The following PILRA variants were observed in gnomAD, a reference collection of about 807,000 sequenced individuals.
PILRA encodes the protein paired immunoglobulin-like type 2 receptor alpha.
In PILRA, 37 loss-of-function variants were observed where a neutral mutation model predicts 33.1. That is an observed-to-expected ratio of 1.12 (90% CI 0.86 to 1.47). The LOEUF (loss-of-function observed/expected upper bound fraction) is 1.47. PILRA is among the 40% of genes most tolerant of loss of function. The pLI is 0.00. For missense variants in PILRA, 312 were observed against 376.2 expected, an observed-to-expected ratio of 0.83 and a Z score of 1.41; for synonymous variants, 146 against 149.9, an observed-to-expected ratio of 0.97 and a Z score of 0.19.
intron 2 of PILRA, among the ~76,000 whole-genome samples, chr7:100,375,042 G>A (rs185239109): frequency 3.9e-5 from 6 of 151,984 alleles, no homozygotes; most frequent in Admixed American, 3.3e-4. Flanking sequence ...GACCTGTCTC[G>A]CCTCTTCTCT....
intron 3 of PILRA, among the ~76,000 whole-genome samples, chr7:100,393,743 C>G (rs965928867): frequency 4.6e-5 from 7 of 152,082 alleles, no homozygotes; most frequent in African/African-American, 1.7e-4. Flanking sequence ...CCAAAGGTTG[C>G]CTCATAGCCC....
chr7:100,384,541 G>A (rs1262204870), intron 2 of PILRA, among the ~76,000 whole-genome samples: 7 of 151,654 alleles, frequency 4.6e-5, no homozygotes, highest in Non-Finnish European at 1.0e-4. Context: ...GACTGCAGGG[G>A]AGCACTACCA....
chr7:100,396,449 TC>T (rs1791494123), intron 3 of PILRA, among the ~76,000 whole-genome samples: 1 of 152,192 alleles, frequency 6.6e-6, no homozygotes, highest in South Asian at 2.1e-4. Context: ...GGTCAGGAGT[TC>T]GAGACCAGCA....
upstream of PILRA, among the ~76,000 whole-genome samples, chr7:100,372,865 T>C (rs1282235013): frequency 6.6e-6 from 1 of 151,886 alleles, no homozygotes. Context: ...TGTCCCCTCC[T>C]GTGTAGGGCG....
chr7:100,383,215 CA>C (rs1471920844), intron 2 of PILRA, among the ~76,000 whole-genome samples: 1 of 152,078 alleles, frequency 6.6e-6, no homozygotes, highest in Admixed American at 6.5e-5. Flanking sequence ...CTGGGACCAG[CA>C]GCAGGCCTCT....
chr7:100,388,749 C>CAAAAAAA (rs913179599), intron 2 of PILRA, among the ~76,000 whole-genome samples: 1 of 12,860 alleles, frequency 7.8e-5, no homozygotes, highest in Admixed American at 9.6e-4. Context: ...GCCTCCGTCT[C>CAAAAAAA]AAAAAAAAAA....
Position 100,374,592 on chromosome 7 carries a change from C to T in PILRA, c.454+159C>T, listed in dbSNP as rs148891131. On this transcript the variant is annotated intron_variant, in intron 2 of 6. Coordinates refer to ENST00000198536, the MANE Select transcript of PILRA (RefSeq NM_013439.3). The stretch of plus-strand genomic sequence containing the variant: ...TTCCTCAGGCCTTTGCCACCTCTCC[C>T]CTTTTCTCTTCCCCTTGTCTCCACA... 7.0e-4 allele frequency: 548 copies of T among 780,832 alleles called. 1 individual carries two copies. Among genetic ancestry groups the T allele is most frequent in the South Asian group, 1.1e-3 (71 of 64,736 alleles). 48.4% of individuals were successfully genotyped at this position (780,832 alleles called of 1,614,324 possible).
chr7:100,379,540 C>T (rs948949297), intron 2 of PILRA, among the ~76,000 whole-genome samples: 12 of 151,450 alleles, frequency 7.9e-5, no homozygotes, highest in Admixed American at 4.6e-4. Context: ...TGGTAGCACG[C>T]GCCTGTAGTC....
intron 2 of PILRA, among the ~76,000 whole-genome samples, chr7:100,385,923 C>T (rs1452077230): frequency 1.3e-5 from 2 of 151,792 alleles, no homozygotes. Flanking sequence ...GCCACCACAC[C>T]CGGCCTATGT....
chr7:100,381,116 A>G (rs1327661397), intron 2 of PILRA, among the ~76,000 whole-genome samples: 1 of 151,834 alleles, frequency 6.6e-6, no homozygotes, highest in African/African-American at 2.4e-5. Context: ...AATACAAAAA[A>G]TTAGCCGGGT....
chr7:100,374,253 G>A lies in PILRA; in HGVS notation c.274G>A (p.Asp92Asn). Reference sequence around the variant, plus strand: ...CACAAGGCCGCCTTCCATTCACAAGGATTATGTGAACCGGCTCTTTCTGAA... The same window carrying A: ...CACAAGGCCGCCTTCCATTCACAAGAATTATGTGAACCGGCTCTTTCTGAA... ...YSTRPPSIHK[D>N]YVNRLFLNWT... The change falls in exon 2 of 7, where the codon GAT becomes AAT. Residue 92 changes from aspartate (D) to asparagine (N), a missense_variant. Transcript: ENST00000198536. 6.2e-7 allele frequency: 1 copy of A among 1,614,146 alleles called. No homozygotes were observed.
chr7:100,375,748 A>AAACAAACG (rs1171266170), intron 2 of PILRA, among the ~76,000 whole-genome samples: 1 of 152,172 alleles, frequency 6.6e-6, no homozygotes, highest in African/African-American at 2.4e-5. Context: ...ACAAACAAAC[A>AAACAAACG]AACAAACAAA....
In PILRA at chr7:100,399,765, C is replaced by G. The variant is rs948660764; in HGVS notation, c.790-20C>G. On this transcript the variant is annotated intron_variant, in intron 6 of 6. Coordinates refer to ENST00000198536, the MANE Select transcript of PILRA (RefSeq NM_013439.3). ...CTCCGTCTCCACTGTCTAACCCTTT[C>G]TCTCTGGGTTCTCGCCCAGGATGAC... The G allele has an allele frequency of 3.7e-6, 6 of 1,610,328 alleles. No homozygotes were observed. The African/African-American group carries it at 5.3e-5, about 14-fold the overall frequency.
At chr7:100,377,907 T>C (rs182048635) in intron 2 of PILRA, among the ~76,000 whole-genome samples, 10 of 152,354 alleles carry the variant, frequency 6.6e-5, no homozygotes, top group Non-Finnish European at 7.3e-5. Context: ...AAAATTATTT[T>C]TGTAGAAAAG....
chr7:100,373,693 C>T lies in PILRA; in HGVS notation c.37C>T (p.Leu13=). The change falls in exon 1 of 7, where the codon CTG becomes TTG. Residue 13 remains leucine, a synonymous_variant. Coordinates refer to ENST00000198536, the MANE Select transcript of PILRA (RefSeq NM_013439.3). ...CCTGCTGCTGCCCCTACTGCCCTTG[C>T]TGCTGCCGCCAGCATTTCTGCAGCC... The part of the protein sequence containing the change: ...RPLLLPLLPL[L]LPPAFLQPSG... 6.2e-7 allele frequency: 1 copy of T among 1,613,192 alleles called. No homozygotes were observed. Among genetic ancestry groups the T allele is most frequent in the Non-Finnish European group, 8.5e-7 (1 of 1,179,758 alleles).
chr7:100,374,697 C>T, intron 2 of PILRA: 2 of 543,480 alleles, frequency 3.7e-6, no homozygotes, highest in East Asian at 3.3e-5. Flanking sequence ...GCCTCAGCAG[C>T]TGCTGGACCC....
chr7:100,376,836 ACT>A (rs1260779037), intron 2 of PILRA, among the ~76,000 whole-genome samples: 1 of 133,744 alleles, frequency 7.5e-6, no homozygotes, highest in East Asian at 2.1e-4. Flanking sequence ...ATCATGGCTT[ACT>A]GCAGTGTCGA....
chr7:100,385,120 ATCAAGCAAC>A (rs1399218860), intron 2 of PILRA, among the ~76,000 whole-genome samples: 3 of 152,362 alleles, frequency 2.0e-5, no homozygotes, highest in African/African-American at 7.2e-5. Context: ...AAACAAGCAA[ATCAAGCAAC>A]AGCAATATTC....
At chr7:100,397,351 G>A (rs911066125) in intron 3 of PILRA, among the ~76,000 whole-genome samples, 5 of 152,078 alleles carry the variant, frequency 3.3e-5, no homozygotes, top group Admixed American at 1.3e-4. Context: ...AGGCAGCAGA[G>A]GATTCAGGGT....
Sources: gnomAD v4.1 joint callset for allele counts (sites outside exome capture counted in the v4.1 genomes callset) on GRCh38, gnomAD v4.1.1 for gene constraint, MANE v1.5 for transcripts, NCBI Gene and HGNC (gene_info 2026-07-23, HGNC 2026-07-21) for gene names.